The following ITIH1 variants were observed in gnomAD, a reference collection of about 807,000 sequenced individuals.
The protein encoded by ITIH1 is inter-alpha-trypsin inhibitor heavy chain H1.
ITIH1 carries 94 observed loss-of-function variants against 104.6 expected under a neutral mutation model. The observed-to-expected ratio is 0.90, with a 90% confidence interval of 0.76 to 1.07. The LOEUF (loss-of-function observed/expected upper bound fraction) is 1.07. Among genes scored for constraint, ITIH1 ranks in the 50% least tolerant of loss-of-function variants. ITIH1 has a pLI of 0.00. For missense variants in ITIH1, 1,193 were observed against 1,181.4 expected (o/e 1.01, Z -0.14); for synonymous variants, 455 against 464.4 (o/e 0.98, Z 0.26).
At chr3:52,782,461 G>A (rs552805087) in intron 8 of ITIH1, among the ~76,000 whole-genome samples, 194 bp downstream of exon 8, 1 of 152,346 alleles carries the variant, frequency 6.6e-6, no homozygotes, top group African/African-American at 2.4e-5. Context: ...TCGTGAGGAA[G>A]TGCATTCACC....
In ITIH1 at chr3:52,781,885, C is replaced by T. The variant is rs1699067369; in HGVS notation, c.688-55C>T. 2.5e-6 allele frequency: 4 copies of T among 1,597,700 alleles called. No homozygotes were observed. In the South Asian group the frequency reaches 3.3e-5, roughly 13 times the overall value. On this transcript the variant is annotated intron_variant, in intron 6 of 21. Transcript: ENST00000273283. ...TGCCTTCTTATGTTGTCTTTGCAAA[C>T]ATCTTGTTTGTGGTTACACAGACCA...
intron 20 of ITIH1, 21 bp downstream of exon 20, chr3:52,790,942 A>G (rs777997800): frequency 2.5e-6 from 4 of 1,586,258 alleles, no homozygotes; most frequent in Non-Finnish European, 3.4e-6. Flanking sequence ...CCAGGCTGGC[A>G]GGGCTGTGGG....
At chr3:52,790,148 C>T (rs1699314001) in intron 19 of ITIH1, 1 of 480,884 alleles carries the variant, frequency 2.1e-6, no homozygotes, top group East Asian at 3.8e-5. Flanking sequence ...GCAAAGAGGC[C>T]ACCTCTTCCC....
rs768625397 is a variant in ITIH1, at chr3:52,783,119, G to A, written c.1093G>A (p.Asp365Asn). ...AGACTTTGTGCGGGGCTTTTCCCTGGATGAGGGTAAGGGTGGGGGTCTCAG... is the reference window on the plus strand; with the variant it reads ...AGACTTTGTGCGGGGCTTTTCCCTGAATGAGGGTAAGGGTGGGGGTCTCAG... ...AQDFVRGFSL[D>N]EATNLNGGLL... Residue 365 changes from aspartate (D) to asparagine (N), a missense_variant, in exon 9 of 22, where the codon GAT becomes AAT. Physicochemically the swap from Asp to Asn is conservative, Grantham distance 23. Coordinates refer to ENST00000273283, the MANE Select transcript of ITIH1 (RefSeq NM_002215.4). 1.2e-6 allele frequency: 2 copies of A among 1,613,254 alleles called. No individual in the cohort carries two copies. The highest frequency in any genetic ancestry group is 8.5e-7 in the Non-Finnish European group (1 of 1,179,492).
In ITIH1 at chr3:52,782,068, G is replaced by A. The variant is rs757662339; in HGVS notation, c.813+3G>A. ...GAGACAAGATCTGCGACCTCCTGGTGAGCCCTGAGCTTCTGGCTCAGCACC... is the reference window on the plus strand; with the variant it reads ...GAGACAAGATCTGCGACCTCCTGGTAAGCCCTGAGCTTCTGGCTCAGCACC... On this transcript the variant is annotated splice_donor_region_variant and intron_variant, in intron 7 of 21. Transcript: ENST00000273283. The A allele has an allele frequency of 7.4e-6, 12 of 1,614,188 alleles. No individual in the cohort carries two copies. The Admixed American group carries it at 2.0e-4, about 27-fold the overall frequency.
At chr3:52,778,139 C>T in intron 2 of ITIH1, 122 bp downstream of exon 2, 3 of 1,250,202 alleles carry the variant, frequency 2.4e-6, no homozygotes, top group Non-Finnish European at 3.5e-6. Flanking sequence ...CTCCAGGGTC[C>T]TAGAAATGGG....
Position 52,787,586 on chromosome 3 carries a change from C to T in ITIH1, c.1904-6C>T. On this transcript the variant is annotated splice_polypyrimidine_tract_variant and splice_region_variant and intron_variant, in intron 15 of 21. Coordinates refer to ENST00000273283, the MANE Select transcript of ITIH1 (RefSeq NM_002215.4). ...GTCTTCGATAATATGTCCTTGTCTTCTACAGAGATGCTGGGACCCAGAAGG... is the reference window on the plus strand; with the variant it reads ...GTCTTCGATAATATGTCCTTGTCTTTTACAGAGATGCTGGGACCCAGAAGG... The T allele has an allele frequency of 6.2e-7, 1 of 1,614,178 alleles. No individual in the cohort carries two copies. The highest frequency in any genetic ancestry group is 2.2e-5 in the East Asian group (1 of 44,886).
intron 3 of ITIH1, 26 bp downstream of exon 3, chr3:52,778,532 C>T: frequency 6.2e-7 from 1 of 1,613,148 alleles, no homozygotes; most frequent in Non-Finnish European, 8.5e-7. Context: ...ACTCCCATGC[C>T]TTCTCCCAGG....
At chr3:52,786,686 T>A (rs1465228917) in intron 13 of ITIH1, among the ~76,000 whole-genome samples, 1 of 152,194 alleles carries the variant, frequency 6.6e-6, no homozygotes, top group Non-Finnish European at 1.5e-5. Flanking sequence ...TTGACCCAGA[T>A]CTCACAGCTG....
intron 8 of ITIH1, among the ~76,000 whole-genome samples, chr3:52,782,731 A>T (rs1699095628): frequency 6.6e-6 from 1 of 151,686 alleles, no homozygotes; most frequent in Non-Finnish European, 1.5e-5. Flanking sequence ...CCCCTCCCGA[A>T]CTCCTGATTA....
chr3:52,784,606 C>A, intron 11 of ITIH1, 129 bp downstream of exon 11: 2 of 951,070 alleles, frequency 2.1e-6, no homozygotes, highest in Non-Finnish European at 3.1e-6. Context: ...CTGCATGGGC[C>A]AGGCATGGTG....
chr3:52,790,311 C>A, intron 19 of ITIH1: 1 of 261,932 alleles, frequency 3.8e-6, no homozygotes, highest in Non-Finnish European at 7.3e-6. Context: ...TGCCAAGCAC[C>A]AGAGCAATGC....
In ITIH1 at chr3:52,782,195, G is replaced by A; in HGVS notation, c.858G>A (p.Leu286=). Residue 286 remains leucine, a synonymous_variant, in exon 8 of 22, where the codon CTG becomes CTA. Coordinates refer to ENST00000273283, the MANE Select transcript of ITIH1 (RefSeq NM_002215.4). ...CCCACTTCTTTGCCCCCCAAAACCT[G>A]ACAAACATGAACAAGAACGTGGTTT... is the stretch of plus-strand genomic sequence containing the variant. ...HFAHFFAPQN[L]TNMNKNVVFV... is the part of the protein sequence containing the mutation. 1 of 1,614,138 alleles carries A rather than the reference G, an allele frequency of 6.2e-7. No homozygotes were observed. Among genetic ancestry groups the A allele is most frequent in the Non-Finnish European group, 8.5e-7 (1 of 1,180,024 alleles).
intron 11 of ITIH1, 101 bp downstream of exon 11, chr3:52,784,578 G>T: frequency 1.6e-6 from 2 of 1,221,446 alleles, no homozygotes; most frequent in African/African-American, 1.5e-5. Context: ...TAAAGCTCTG[G>T]CATAGAGTTC....
chr3:52,778,321 C>A lies in ITIH1; in HGVS notation c.139-19C>A. On this transcript the variant is annotated intron_variant, in intron 2 of 21. Coordinates refer to ENST00000273283, the MANE Select transcript of ITIH1 (RefSeq NM_002215.4). ...AGAGGCCCTGTCTCAGGCCACAGCT[C>A]CTTCATGTCTCACTTTAGGCTGTCG... 1 of 1,613,532 alleles carries A rather than the reference C, an allele frequency of 6.2e-7. No individual in the cohort carries two copies. Among genetic ancestry groups the A allele is most frequent in the Non-Finnish European group, 8.5e-7 (1 of 1,179,452 alleles).
Position 52,783,534 on chromosome 3 carries a change from G to A in ITIH1, c.1225+195G>A, listed in dbSNP as rs545615918. 6.6e-5 allele frequency among the ~76,000 whole-genome samples: 10 copies of A among 152,302 alleles called. No homozygotes were observed. The South Asian group carries it at 1.7e-3, about 25-fold the overall frequency. ...GCTCTATGGTGTACCTCTGTCCTGT[G>A]AGTTGAGAAATTGGAGATGTTTCTA... On this transcript the variant is annotated intron_variant, in intron 10 of 21. Transcript: ENST00000273283.
rs1245407927 is a variant in ITIH1 at position 52,791,646 on chromosome 3, C to A, written c.2606+18C>A. 1 of 1,612,484 alleles carries A rather than the reference C, an allele frequency of 6.2e-7. No individual in the cohort carries two copies. Among genetic ancestry groups the A allele is most frequent in the Non-Finnish European group, 8.5e-7 (1 of 1,178,994 alleles). ...GTCACCAGGTGGGTGGGCTGCTTGCCCAGCACGTCTGCCCTCGGCCACTTT... is the reference window on the plus strand; with the variant it reads ...GTCACCAGGTGGGTGGGCTGCTTGCACAGCACGTCTGCCCTCGGCCACTTT... On this transcript the variant is annotated intron_variant, in intron 21 of 21. Coordinates refer to ENST00000273283, the MANE Select transcript of ITIH1 (RefSeq NM_002215.4).
At chr3:52,787,486 C>A in intron 15 of ITIH1, 106 bp from the exon 16 acceptor site, 1 of 1,391,656 alleles carries the variant, frequency 7.2e-7, no homozygotes, top group Non-Finnish European at 1.0e-6. Flanking sequence ...CTGAGACCCC[C>A]AGAGGGACGG....
At chr3:52,780,136 G>A (rs923160697) in intron 5 of ITIH1, 133 bp from the exon 6 acceptor site, 1 of 930,576 alleles carries the variant, frequency 1.1e-6, no homozygotes, top group Non-Finnish European at 1.6e-6. Flanking sequence ...AGTGTGGTGT[G>A]AGCCTATAAT....
Sources: gnomAD v4.1 joint callset for allele counts (sites outside exome capture counted in the v4.1 genomes callset) on GRCh38, gnomAD v4.1.1 for gene constraint, MANE v1.5 for transcripts, NCBI Gene and HGNC (gene_info 2026-07-23, HGNC 2026-07-21) for gene names.